The following REXO2 variants were observed in gnomAD, a reference collection of about 807,000 sequenced individuals.
REXO2 encodes RNA exonuclease 2.
Under a neutral mutation model 30.9 loss-of-function variants are expected in REXO2, and 17 were observed. The observed-to-expected ratio is 0.55, with a 90% CI of 0.38 to 0.82. REXO2 has a LOEUF of 0.82. Ranked by LOEUF, REXO2 falls within the 40% of genes least tolerant of loss-of-function variation. REXO2 has a pLI of 0.00. For synonymous variants in REXO2, 105 were observed against 99.6 expected (o/e 1.05, Z -0.32); for missense variants, 253 against 293.2 (o/e 0.86, Z 1.00).
intron 1 of REXO2, 139 bp from the exon 2 acceptor site, chr11:114,440,517 C>T: frequency 3.1e-6 from 2 of 640,530 alleles, no homozygotes; most frequent in Non-Finnish European, 5.4e-6. Flanking sequence ...AGTAGTTGCC[C>T]GAGGAGCATT....
chr11:114,448,674 T>G (rs1946526238), intron 6 of REXO2, among the ~76,000 whole-genome samples: 1 of 152,248 alleles, frequency 6.6e-6, no homozygotes, highest in Admixed American at 6.5e-5. Context: ...TTTATTATCT[T>G]GTAGCATCCC....
intron 4 of REXO2, 188 bp from the exon 5 acceptor site, chr11:114,445,791 G>A (rs1946506759): frequency 1.8e-6 from 1 of 543,200 alleles, no homozygotes; most frequent in Non-Finnish European, 3.3e-6. Context: ...AACTGACTAA[G>A]TACTTGGAAA....
rs568833846 is a variant in REXO2, at chr11:114,441,060, A to G, written c.231+321A>G. On this transcript the variant is annotated intron_variant, in intron 2 of 6. Transcript: ENST00000265881. ...ATATGTCTTTGTTCTTAGTTCTCAC[A>G]GCAACTATAAGTTAGTTATTGTTAT... 7.0e-5 allele frequency: 14 copies of G among 201,272 alleles called. No homozygotes were observed. In the South Asian group the frequency reaches 1.3e-3, roughly 18 times the overall value. The allele number at this position is 201,272 out of a possible 1,614,324, so 12.5% of individuals were successfully genotyped here.
At chr11:114,447,795 C>T (rs1259891257) in intron 5 of REXO2, 31 bp from the exon 6 acceptor site, 8 of 1,589,374 alleles carry the variant, frequency 5.0e-6, no homozygotes, top group African/African-American at 2.7e-5. Context: ...GAGACAGCTT[C>T]CTTTGAGAGT....
In REXO2 at chr11:114,449,847, G is replaced by A; in HGVS notation, c.586G>A (p.Ala196Thr). The change falls in exon 7 of 7, where the codon GCA becomes ACA. Residue 196 changes from alanine (A) to threonine (T), a missense_variant and splice_region_variant. By Grantham distance (58) the Ala-to-Thr change is moderately conservative. Coordinates refer to ENST00000265881, the MANE Select transcript of REXO2 (RefSeq NM_015523.4). Reference sequence around the variant, plus strand: ...TCATTGTGGTATGTTTGCTTATAGGGCACTTGATGACATTAGTGAAAGCAT... The same window carrying A: ...TCATTGTGGTATGTTTGCTTATAGGACACTTGATGACATTAGTGAAAGCAT... ...FAPKKAASHR[A>T]LDDISESIKE... is the part of the protein sequence containing the mutation. The A allele has an allele frequency of 6.2e-7, 1 of 1,607,224 alleles. No individual in the cohort carries two copies. The highest frequency in any genetic ancestry group is 2.2e-5 in the East Asian group (1 of 44,626).
In REXO2 at chr11:114,443,456, A is replaced by G. The variant is rs372063058; in HGVS notation, c.232-400A>G. Among the ~76,000 whole-genome samples the G allele has an allele frequency of 2.9e-4, 44 of 152,192 alleles. No homozygotes were observed. The South Asian group carries it at 3.1e-3, about 11-fold the overall frequency. ...ATCAAGGGTTGACAGACTTTTCTGG[A>G]AAGAGCAAGTTATTAAATTGTTTAG... On this transcript the variant is annotated intron_variant, in intron 2 of 6. Coordinates refer to ENST00000265881, the MANE Select transcript of REXO2 (RefSeq NM_015523.4).
intron 4 of REXO2, chr11:114,445,175 G>A (rs1439343924): frequency 6.6e-6 from 1 of 152,092 alleles, no homozygotes; most frequent in Non-Finnish European, 1.5e-5. Context: ...TTTGAACCAG[G>A]ATTCAGTCAA....
At chr11:114,445,286 G>A (rs1009587969) in intron 4 of REXO2, 4 of 152,136 alleles carry the variant, frequency 2.6e-5, no homozygotes, top group African/African-American at 9.7e-5. Flanking sequence ...AAGAGACCAG[G>A]CCTGTTCTAC....
chr11:114,441,848 C>T (rs542323647), intron 2 of REXO2: 1 of 668,870 alleles, frequency 1.5e-6, no homozygotes, highest in South Asian at 1.6e-5. Context: ...AGACTTTGTA[C>T]TTCTCATCAT....
intron 1 of REXO2, chr11:114,440,096 T>C (rs766200355): frequency 2.1e-6 from 1 of 469,320 alleles, no homozygotes; most frequent in South Asian, 1.5e-5. Context: ...TTACCCCTCA[T>C]TCCATAAGTG....
At chr11:114,446,933 CTTTTTTTT>C (rs539152554) in intron 5 of REXO2, among the ~76,000 whole-genome samples, 1 of 94,370 alleles carries the variant, frequency 1.1e-5, no homozygotes, top group Non-Finnish European at 2.0e-5. Flanking sequence ...AGAAAGGAGG[CTTTTTTTT>C]TTTTTTTTTT....
intron 1 of REXO2, chr11:114,440,026 T>C: frequency 2.1e-6 from 1 of 480,400 alleles, no homozygotes; most frequent in Non-Finnish European, 3.9e-6. Context: ...TTCCCCCAAC[T>C]AAATCCTTAA....
At chr11:114,443,439 T>C (rs1433915621) in intron 2 of REXO2, among the ~76,000 whole-genome samples, 1 of 152,032 alleles carries the variant, frequency 6.6e-6, no homozygotes, top group Admixed American at 6.6e-5. Flanking sequence ...TAATCAAGGG[T>C]TGACAGACTT....
At position 114,440,697 on chromosome 11, in the gene REXO2, G is replaced by A. The variant is rs931985359; in HGVS notation, c.189G>A (p.Met63Ile). The change falls in exon 2 of 7, where the codon ATG becomes ATA. Residue 63 changes from methionine (M) to isoleucine (I), a missense_variant. By Grantham distance (10) the Met-to-Ile change is conservative (BLOSUM62 1). Coordinates refer to ENST00000265881, the MANE Select transcript of REXO2 (RefSeq NM_015523.4). ...LDIEKDQIIE[M>I]ACLITDSDLN... ...TTGAGAAGGACCAGATTATTGAGAT[G>A]GCCTGTCTGATAACTGACTCTGATC... 6.2e-7 allele frequency: 1 copy of A among 1,613,814 alleles called. No homozygotes were observed. Among genetic ancestry groups the A allele is most frequent in the African/African-American group, 1.3e-5 (1 of 75,026 alleles).
intron 1 of REXO2, chr11:114,439,917 C>T (rs572591782): frequency 3.5e-6 from 2 of 574,438 alleles, no homozygotes; most frequent in Non-Finnish European, 6.2e-6. Flanking sequence ...TTCTTCTCCT[C>T]CCTACCCCTC....
chr11:114,445,841 T>A (rs1357889399), intron 4 of REXO2, 138 bp from the exon 5 acceptor site: 1 of 611,522 alleles, frequency 1.6e-6, no homozygotes, highest in Non-Finnish European at 2.9e-6. Context: ...CAAACCTGAT[T>A]TAGAAATATA....
rs934301423 is a variant in REXO2 at position 114,439,505 on chromosome 11, G to A, written c.-24G>A. 10 of 1,601,124 alleles carry A rather than the reference G, an allele frequency of 6.2e-6. No individual in the cohort carries two copies. Among genetic ancestry groups the A allele is most frequent in the South Asian group, 2.2e-5 (2 of 90,810 alleles). The stretch of plus-strand genomic sequence containing the variant: ...GCGCCAGCGCCGGCTGCGAGACTGG[G>A]GCCGTGGCTGCTGGTCCCGGGTGAT... On this transcript the variant is annotated 5_prime_UTR_variant, in exon 1 of 7. Coordinates refer to ENST00000265881, the MANE Select transcript of REXO2 (RefSeq NM_015523.4).
chr11:114,444,210 A>G (rs183739986), intron 3 of REXO2: 1 of 610,032 alleles, frequency 1.6e-6, no homozygotes, highest in East Asian at 3.5e-5. Flanking sequence ...TCTTTTGGAT[A>G]AGGTTAGACA....
intron 2 of REXO2, chr11:114,441,704 G>A (rs1324796568): frequency 1.4e-5 from 10 of 701,886 alleles, no homozygotes; most frequent in Non-Finnish European, 2.3e-5. Flanking sequence ...GATACATTTC[G>A]TAAATCTGCA....
Sources: allele counts gnomAD v4.1 joint callset (sites outside exome capture counted in the v4.1 genomes callset), GRCh38; gene constraint gnomAD v4.1.1; transcripts MANE v1.5; gene names NCBI Gene and HGNC (gene_info 2026-07-23, HGNC 2026-07-21).